The following TMEM232 variants were observed in gnomAD, a reference collection of about 807,000 sequenced individuals.
The protein encoded by TMEM232 is transmembrane protein 232.
TMEM232 carries 80 observed loss-of-function variants against 78.8 expected under a neutral mutation model. The observed-to-expected ratio is 1.01, with a 90% CI of 0.85 to 1.22. The LOEUF (loss-of-function observed/expected upper bound fraction) is 1.22. Among genes scored for constraint, TMEM232 ranks in the 50% most tolerant of loss-of-function variants. The pLI, the probability that TMEM232 is intolerant of heterozygous loss-of-function variation, is 0.00. For synonymous variants in TMEM232, 297 were observed against 254.3 expected (o/e 1.17, Z -1.60); for missense variants, 881 against 742.2 (o/e 1.19, Z -2.17).
rs1271304679 is a variant in TMEM232, at chr5:110,498,994, GAGGCTTTGAT to G, written c.1703+29584_1703+29593del. 1.8e-4 allele frequency among the ~76,000 whole-genome samples: 28 copies of G among 152,114 alleles called. 1 individual carries two copies. The highest frequency in any genetic ancestry group is 5.9e-4 in the Admixed American group (9 of 15,254). On this transcript the variant is annotated intron_variant, in intron 12 of 13. Transcript: ENST00000455884. ...ACATATGATATGATACAATAATAAG[GAGGCTTTGAT>G]ATCTTGAGGATGCTTACAGTAATAC...
chr5:110,607,704 T>G (rs151266171), intron 8 of TMEM232, among the ~76,000 whole-genome samples: 1 of 152,022 alleles, frequency 6.6e-6, no homozygotes, highest in Non-Finnish European at 1.5e-5. Flanking sequence ...GATTGGTTAA[T>G]GAGCTAGAAA....
upstream of TMEM232, chr5:110,738,251 G>C (rs76417911): frequency 7.8e-7 from 1 of 1,286,838 alleles, no homozygotes; most frequent in Non-Finnish European, 1.0e-6. Context: ...AAAACAGGTA[G>C]TAGGGGACGC....
intron 3 of TMEM232, among the ~76,000 whole-genome samples, chr5:110,397,098 T>A (rs942649698): frequency 6.6e-6 from 1 of 152,164 alleles, no homozygotes; most frequent in Non-Finnish European, 1.5e-5. Flanking sequence ...TTATATCCCA[T>A]GCTGAAGAGG....
At chr5:110,513,631 C>T (rs1051967268) in intron 12 of TMEM232, among the ~76,000 whole-genome samples, 5 of 151,934 alleles carry the variant, frequency 3.3e-5, no homozygotes, top group African/African-American at 1.2e-4. Context: ...CAAATCAAAA[C>T]TACAGGTATT....
chr5:110,596,920 C>A (rs1396197278), intron 10 of TMEM232, among the ~76,000 whole-genome samples: 1 of 152,088 alleles, frequency 6.6e-6, no homozygotes, highest in Non-Finnish European at 1.5e-5. Context: ...ACTGAATGGG[C>A]AAAAACTGGA....
chr5:110,395,944 G>A (rs899307632), intron 3 of TMEM232, among the ~76,000 whole-genome samples: 2 of 152,236 alleles, frequency 1.3e-5, no homozygotes, highest in African/African-American at 4.8e-5. Context: ...TGGGAAAAGA[G>A]GCCACATCTG....
intron 11 of TMEM232, among the ~76,000 whole-genome samples, chr5:110,536,457 C>T (rs1772369880): frequency 6.6e-6 from 1 of 152,110 alleles, no homozygotes; most frequent in Non-Finnish European, 1.5e-5. Flanking sequence ...GATTATAGTC[C>T]CTGATCTCTA....
Position 110,568,702 on chromosome 5 carries a change from A to C in TMEM232, c.1277-77T>G, listed in dbSNP as rs1283020030. On this transcript the variant is annotated intron_variant, in intron 10 of 13. Coordinates refer to ENST00000455884, the MANE Select transcript of TMEM232 (RefSeq NM_001039763.4). Reference sequence around the variant, plus strand: ...AAGTATGATTGTGTGAAACAGAATAAACCAATTTTACTATAATTCATAATA... The same window carrying C: ...AAGTATGATTGTGTGAAACAGAATACACCAATTTTACTATAATTCATAATA... 3 of 1,355,540 alleles carry C rather than the reference A, an allele frequency of 2.2e-6. No homozygotes were observed. The Admixed American group carries it at 9.4e-5, about 43-fold the overall frequency. 84.0% of individuals were successfully genotyped at this position (1,355,540 alleles called of 1,614,324 possible).
chr5:110,727,818 G>A (rs1798307743), upstream of TMEM232, among the ~76,000 whole-genome samples: 1 of 152,076 alleles, frequency 6.6e-6, no homozygotes, highest in Non-Finnish European at 1.5e-5. Context: ...TAGAAGATCA[G>A]TAAGTTAAAG....
intron 10 of TMEM232, among the ~76,000 whole-genome samples, chr5:110,604,428 A>C (rs1382838322): frequency 6.6e-6 from 1 of 152,146 alleles, no homozygotes; most frequent in Admixed American, 6.6e-5. Flanking sequence ...ATTTGAGTGA[A>C]GTAATTGTAG....
At chr5:110,596,425 T>C (rs1036907477) in intron 10 of TMEM232, among the ~76,000 whole-genome samples, 1 of 152,190 alleles carries the variant, frequency 6.6e-6, no homozygotes, top group African/African-American at 2.4e-5. Flanking sequence ...AGCCGAATTC[T>C]ACCAGAGGTA....
At chr5:110,442,922 C>A (rs1267429276) in intron 12 of TMEM232, among the ~76,000 whole-genome samples, 1 of 152,166 alleles carries the variant, frequency 6.6e-6, no homozygotes, top group Non-Finnish European at 1.5e-5. Flanking sequence ...TCCTTACTTT[C>A]TTCCCAACAA....
intron 11 of TMEM232, among the ~76,000 whole-genome samples, chr5:110,538,259 T>C (rs1307464924): frequency 6.6e-6 from 1 of 152,130 alleles, no homozygotes. Flanking sequence ...TGGCACAGCA[T>C]TTCATTAGCC....
At chr5:110,652,313 C>CACACACACACAT (rs1788454069) in intron 2 of TMEM232, among the ~76,000 whole-genome samples, 1 of 152,096 alleles carries the variant, frequency 6.6e-6, no homozygotes, top group Non-Finnish European at 1.5e-5. Flanking sequence ...CACACACACA[C>CACACACACACAT]ACACACACTA....
chr5:110,550,426 T>G (rs945994734), intron 11 of TMEM232, among the ~76,000 whole-genome samples: 1 of 151,872 alleles, frequency 6.6e-6, no homozygotes, highest in Non-Finnish European at 1.5e-5. Context: ...AACAGTAAAA[T>G]AAGATAAGAA....
chr5:110,540,647 G>A (rs1168746785), intron 11 of TMEM232, among the ~76,000 whole-genome samples: 1 of 152,178 alleles, frequency 6.6e-6, no homozygotes, highest in African/African-American at 2.4e-5. Flanking sequence ...GGGAGCACTG[G>A]AGCTGGATAC....
chr5:110,436,535 C>G (rs1758454388), intron 12 of TMEM232, among the ~76,000 whole-genome samples: 1 of 151,992 alleles, frequency 6.6e-6, no homozygotes. Context: ...TTTCCCTAGA[C>G]CAATGTACTG....
At chr5:110,733,092 T>C (rs927834322) in intron 2 of TMEM232, among the ~76,000 whole-genome samples, 2 of 152,134 alleles carry the variant, frequency 1.3e-5, no homozygotes, top group Non-Finnish European at 2.9e-5. Context: ...TCACTGATCA[T>C]CAGCGAAATG....
intron 10 of TMEM232, among the ~76,000 whole-genome samples, chr5:110,574,121 T>G (rs1038580724): frequency 2.6e-5 from 4 of 152,054 alleles, no homozygotes; most frequent in African/African-American, 9.7e-5. Context: ...TAGTAAAAGG[T>G]ACATTTTCCC....
Sources: allele counts gnomAD v4.1 joint callset (sites outside exome capture counted in the v4.1 genomes callset), GRCh38; gene constraint gnomAD v4.1.1; transcripts MANE v1.5; gene names NCBI Gene and HGNC (gene_info 2026-07-23, HGNC 2026-07-21).